Variants in COX7B2 observed in about 807,000 individuals in gnomAD.
The protein encoded by COX7B2 is cytochrome c oxidase subunit 7B2.
For synonymous variants in COX7B2, 37 were observed against 32.1 expected, an observed-to-expected ratio of 1.15 and a Z score of -0.51; for missense variants, 109 against 95.9, an observed-to-expected ratio of 1.14 and a Z score of -0.57.
intron 2 of COX7B2, among the ~76,000 whole-genome samples, chr4:46,754,712 G>GTATATATA (rs1231439934): frequency 5.9e-4 from 13 of 22,030 alleles, no homozygotes; most frequent in African/African-American, 1.3e-3. Flanking sequence ...GTGTGTGTGT[G>GTATATATA]TGTGTGTGTG....
chr4:46,872,083 A>C (rs1718028321), intron 1 of COX7B2, among the ~76,000 whole-genome samples: 1 of 152,204 alleles, frequency 6.6e-6, no homozygotes. Context: ...AATGGCCATC[A>C]GTGTCAGACT....
chr4:46,862,502 A>G (rs1381342651), intron 1 of COX7B2, among the ~76,000 whole-genome samples: 5 of 152,190 alleles, frequency 3.3e-5, no homozygotes, highest in South Asian at 2.1e-4. Context: ...GCGCAAATGA[A>G]TATTCATAAA....
chr4:46,742,520 C>T (rs1472601819), intron 2 of COX7B2, among the ~76,000 whole-genome samples: 1 of 152,064 alleles, frequency 6.6e-6, no homozygotes, highest in Non-Finnish European at 1.5e-5. Context: ...CTGAAAGAAG[C>T]AATGCCGCTG....
chr4:46,802,474 T>C (rs995469973), intron 2 of COX7B2, among the ~76,000 whole-genome samples: 2 of 152,166 alleles, frequency 1.3e-5, no homozygotes, highest in African/African-American at 4.8e-5. Flanking sequence ...GGAGATATGT[T>C]GATCATAGAG....
At chr4:46,886,230 G>A (rs187903307) in intron 1 of COX7B2, among the ~76,000 whole-genome samples, 36 of 152,238 alleles carry the variant, frequency 2.4e-4, no homozygotes, top group African/African-American at 8.2e-4. Flanking sequence ...AAAACAAAAT[G>A]TAGAAAACTA....
At chr4:46,830,104 T>A (rs1322508922) in intron 2 of COX7B2, among the ~76,000 whole-genome samples, 1 of 152,000 alleles carries the variant, frequency 6.6e-6, no homozygotes. Flanking sequence ...GGCGTGCAGA[T>A]CATGAAGTCA....
At chr4:46,793,616 C>A (rs1718164591) in intron 2 of COX7B2, among the ~76,000 whole-genome samples, 1 of 152,176 alleles carries the variant, frequency 6.6e-6, no homozygotes, top group Non-Finnish European at 1.5e-5. Context: ...AGCTCAAACA[C>A]CACATAAATG....
chr4:46,767,077 G>A (rs983872560), intron 2 of COX7B2, among the ~76,000 whole-genome samples: 2 of 152,182 alleles, frequency 1.3e-5, no homozygotes, highest in Non-Finnish European at 2.9e-5. Flanking sequence ...TAACTGAATG[G>A]ATTTAAAAAA....
chr4:46,821,535 A>C (rs1258303530), intron 2 of COX7B2, among the ~76,000 whole-genome samples: 2 of 152,186 alleles, frequency 1.3e-5, no homozygotes, highest in African/African-American at 4.8e-5. Flanking sequence ...TCTACCATTT[A>C]CTTTTTTATA....
At chr4:46,808,007 A>AT (rs762767977) in intron 2 of COX7B2, among the ~76,000 whole-genome samples, 2 of 151,686 alleles carry the variant, frequency 1.3e-5, no homozygotes, top group East Asian at 1.9e-4. Flanking sequence ...GCAATTCAGG[A>AT]TTTTTTAAGT....
intron 2 of COX7B2, among the ~76,000 whole-genome samples, chr4:46,768,868 G>A (rs1716704007): frequency 6.6e-6 from 1 of 151,946 alleles, no homozygotes; most frequent in African/African-American, 2.4e-5. Context: ...ATAAATGAGA[G>A]AAGAGACATT....
At chr4:46,767,980 T>C (rs556464730) in intron 2 of COX7B2, among the ~76,000 whole-genome samples, 1 of 152,366 alleles carries the variant, frequency 6.6e-6, no homozygotes, top group African/African-American at 2.4e-5. Flanking sequence ...GGCGAGTGCC[T>C]TTGGGCACTG....
chr4:46,757,871 C>A lies in COX7B2; in HGVS notation c.-49-22630G>T, dbSNP rs544984028. On this transcript the variant is annotated intron_variant, in intron 2 of 2. Coordinates refer to ENST00000355591, the MANE Select transcript of COX7B2 (RefSeq NM_130902.3). ...AATTATAACCAGAAGGCTTAACACACAAGGCCCTGAGGCAGAAAGTGAAAA... is the reference window on the plus strand; with the variant it reads ...AATTATAACCAGAAGGCTTAACACAAAAGGCCCTGAGGCAGAAAGTGAAAA... Among the ~76,000 whole-genome samples the A allele has an allele frequency of 5.3e-5, 8 of 152,260 alleles. No homozygotes were observed. In the East Asian group the frequency reaches 1.5e-3, roughly 29 times the overall value.
chr4:46,804,935 G>A (rs942529549), intron 2 of COX7B2, among the ~76,000 whole-genome samples: 5 of 152,198 alleles, frequency 3.3e-5, no homozygotes, highest in Non-Finnish European at 5.9e-5. Context: ...CAGGGTAGGG[G>A]GGGCGGTGCT....
chr4:46,841,335 CTGTGTGTGTG>C (rs145768502), intron 2 of COX7B2, among the ~76,000 whole-genome samples: 18 of 139,884 alleles, frequency 1.3e-4, no homozygotes, highest in East Asian at 8.6e-4. Context: ...CAAATGTGCT[CTGTGTGTGTG>C]TGTGTGTGTG....
chr4:46,827,924 G>A (rs989052355), intron 2 of COX7B2, among the ~76,000 whole-genome samples: 2 of 152,120 alleles, frequency 1.3e-5, no homozygotes, highest in Non-Finnish European at 2.9e-5. Flanking sequence ...GGTTGCCTGG[G>A]ACTGGGATCA....
chr4:46,889,152 A>T (rs1016542767), intron 1 of COX7B2, among the ~76,000 whole-genome samples: 7 of 152,350 alleles, frequency 4.6e-5, no homozygotes, highest in Non-Finnish European at 7.3e-5. Flanking sequence ...TGATAAATTT[A>T]AAAAAATCTA....
chr4:46,836,182 TTC>T (rs1715500050), intron 2 of COX7B2, among the ~76,000 whole-genome samples: 1 of 152,236 alleles, frequency 6.6e-6, no homozygotes, highest in African/African-American at 2.4e-5. Context: ...TATTAAAAAT[TTC>T]TTTCTTCAAT....
At chr4:46,765,653 T>C (rs932687855) in intron 2 of COX7B2, among the ~76,000 whole-genome samples, 1 of 151,234 alleles carries the variant, frequency 6.6e-6, no homozygotes, top group Non-Finnish European at 1.5e-5. Flanking sequence ...CTAGGCCCCA[T>C]AACTCCAGGC....
Sources: allele counts gnomAD v4.1 joint callset (sites outside exome capture counted in the v4.1 genomes callset), GRCh38; gene constraint gnomAD v4.1.1; transcripts MANE v1.5; gene names NCBI Gene and HGNC (gene_info 2026-07-23, HGNC 2026-07-21).